The following ARL15 variants were observed in gnomAD, a reference collection of about 807,000 sequenced individuals.
ARL15 encodes the protein ADP-ribosylation factor-like protein 15.
A neutral mutation model predicts 25.2 loss-of-function variants in ARL15; 19 were observed. The ratio of observed to expected loss-of-function variants is 0.75; its 90% confidence interval spans 0.53 to 1.10. The LOEUF (loss-of-function observed/expected upper bound fraction) is 1.10, where lower values mean the gene tolerates loss of function less well. ARL15 is among the 50% of genes least tolerant of loss of function. ARL15 has a pLI of 0.00. For synonymous variants in ARL15, 94 were observed against 86.8 expected, an observed-to-expected ratio of 1.08 and a Z score of -0.46; for missense variants, 220 against 246.0, an observed-to-expected ratio of 0.89 and a Z score of 0.71.
intron 1 of ARL15, among the ~76,000 whole-genome samples, chr5:54,263,109 G>GT (rs1369629944): frequency 6.6e-6 from 1 of 151,776 alleles, no homozygotes; most frequent in South Asian, 2.1e-4. Flanking sequence ...ATATTTTAGA[G>GT]TTTTTTTCTT....
intron 4 of ARL15, among the ~76,000 whole-genome samples, chr5:54,007,644 T>C (rs1333676227): frequency 6.6e-6 from 1 of 152,090 alleles, no homozygotes; most frequent in Non-Finnish European, 1.5e-5. Context: ...CCGTCTCTAC[T>C]AAAATAAAAA....
chr5:54,156,266 T>A (rs1754230232), intron 2 of ARL15, among the ~76,000 whole-genome samples: 1 of 152,200 alleles, frequency 6.6e-6, no homozygotes, highest in African/African-American at 2.4e-5. Flanking sequence ...CAGACAGAAC[T>A]AGGTTGAAAT....
At chr5:54,121,235 AAT>A (rs1753064272) in intron 3 of ARL15, among the ~76,000 whole-genome samples, 1 of 152,168 alleles carries the variant, frequency 6.6e-6, no homozygotes, top group South Asian at 2.1e-4. Context: ...CTTGCTCTGC[AAT>A]ATATGACTGC....
chr5:54,191,001 G>A (rs1755382066), intron 1 of ARL15, among the ~76,000 whole-genome samples: 1 of 152,132 alleles, frequency 6.6e-6, no homozygotes, highest in Admixed American at 6.5e-5. Flanking sequence ...AGAGTTGTTT[G>A]TACACTCATG....
intron 4 of ARL15, among the ~76,000 whole-genome samples, chr5:53,958,409 G>A (rs919142991): frequency 2.0e-5 from 3 of 151,962 alleles, no homozygotes; most frequent in Non-Finnish European, 4.4e-5. Context: ...GTAAGCACTA[G>A]GAAAATGTCT....
chr5:54,007,467 G>A (rs1379564368), intron 4 of ARL15, among the ~76,000 whole-genome samples: 1 of 152,006 alleles, frequency 6.6e-6, no homozygotes, highest in African/African-American at 2.4e-5. Flanking sequence ...CTCTAAAATG[G>A]CATATGATCC....
At chr5:54,198,188 C>T (rs1393825484) in intron 1 of ARL15, among the ~76,000 whole-genome samples, 1 of 152,196 alleles carries the variant, frequency 6.6e-6, no homozygotes, top group East Asian at 1.9e-4. Flanking sequence ...CAGCCAATAT[C>T]ATACTGAATG....
intron 1 of ARL15, among the ~76,000 whole-genome samples, chr5:54,196,158 T>G (rs1755543292): frequency 6.6e-6 from 1 of 152,184 alleles, no homozygotes; most frequent in African/African-American, 2.4e-5. Context: ...ATTTAGATTT[T>G]TAGAGCTAGA....
At position 54,258,727 on chromosome 5, in the gene ARL15, G is replaced by T. The variant is rs146705517; in HGVS notation, c.48+51705C>A. 3.5e-3 allele frequency among the ~76,000 whole-genome samples: 531 copies of T among 152,240 alleles called. 3 individuals carry two copies. The highest frequency in any genetic ancestry group is 0.011 in the African/African-American group (472 of 41,528). ...TCAGAAGGGGAATGGAAGGAGAGGG[G>T]CATGAAATGAAAAACAGATTCTCCC... On this transcript the variant is annotated intron_variant, in intron 1 of 4. Transcript: ENST00000504924.
At chr5:54,310,310 G>T in intron 1 of ARL15, 122 bp downstream of exon 1, 1 of 1,146,832 alleles carries the variant, frequency 8.7e-7, no homozygotes, top group Non-Finnish European at 1.2e-6. Flanking sequence ...GGCTGCGGGA[G>T]AAAGAACCCC....
intron 4 of ARL15, among the ~76,000 whole-genome samples, chr5:53,933,294 G>A (rs1448602309): frequency 6.6e-6 from 1 of 152,078 alleles, no homozygotes; most frequent in Non-Finnish European, 1.5e-5. Context: ...GGTGTAGTTT[G>A]AATAGCATTC....
At chr5:53,900,734 C>A (rs540745455) in intron 4 of ARL15, among the ~76,000 whole-genome samples, 10 of 152,098 alleles carry the variant, frequency 6.6e-5, no homozygotes, top group African/African-American at 2.4e-4. Flanking sequence ...GAGAAGTTAC[C>A]AGTCTTCCCA....
intron 4 of ARL15, among the ~76,000 whole-genome samples, chr5:54,055,169 C>T (rs768316502): frequency 6.6e-6 from 1 of 152,088 alleles, no homozygotes; most frequent in Non-Finnish European, 1.5e-5. Flanking sequence ...TCCCTACACT[C>T]TCCCTGGCCC....
At chr5:54,047,335 A>C (rs1750552382) in intron 4 of ARL15, among the ~76,000 whole-genome samples, 1 of 152,140 alleles carries the variant, frequency 6.6e-6, no homozygotes, top group Admixed American at 6.5e-5. Context: ...AGCATACCAA[A>C]ACCAACTAAT....
At chr5:54,018,189 C>T (rs1271682997) in intron 4 of ARL15, among the ~76,000 whole-genome samples, 2 of 152,140 alleles carry the variant, frequency 1.3e-5, no homozygotes, top group African/African-American at 4.8e-5. Context: ...CTTCACAAAA[C>T]CATTAGCTCA....
At chr5:54,081,758 T>C (rs1008218745) in intron 4 of ARL15, among the ~76,000 whole-genome samples, 1 of 152,152 alleles carries the variant, frequency 6.6e-6, no homozygotes, top group African/African-American at 2.4e-5. Context: ...TAAACCTCTT[T>C]CCTTTATAAA....
intron 1 of ARL15, among the ~76,000 whole-genome samples, chr5:54,257,289 A>G (rs979932549): frequency 6.6e-6 from 1 of 152,224 alleles, no homozygotes; most frequent in Non-Finnish European, 1.5e-5. Flanking sequence ...CAATAACTAC[A>G]AAAAATAAAA....
In ARL15 at chr5:53,917,333, A is replaced by G. The variant is rs145959581; in HGVS notation, c.463-30620T>C. Among the ~76,000 whole-genome samples, 4 of 152,302 alleles carry G rather than the reference A, an allele frequency of 2.6e-5. No homozygotes were observed. The East Asian group carries it at 5.8e-4, about 22-fold the overall frequency. On this transcript the variant is annotated intron_variant, in intron 4 of 4. Transcript: ENST00000504924. ...AACACAGAAGATTTGATGGAGAATT[A>G]CTCCATTGGCTCAAGCCTGGATGGG...
chr5:53,891,756 A>C (rs1744716282), intron 4 of ARL15, among the ~76,000 whole-genome samples: 1 of 152,182 alleles, frequency 6.6e-6, no homozygotes, highest in Non-Finnish European at 1.5e-5. Context: ...TGGTGGGGTC[A>C]GGATCTATCT....
Sources: gnomAD v4.1 joint callset for allele counts (sites outside exome capture counted in the v4.1 genomes callset) on GRCh38, gnomAD v4.1.1 for gene constraint, MANE v1.5 for transcripts, NCBI Gene and HGNC (gene_info 2026-07-23, HGNC 2026-07-21) for gene names.